The following DIP2C variants were observed in gnomAD, a reference collection of about 807,000 sequenced individuals.
DIP2C encodes the protein disco-interacting protein 2 homolog C.
DIP2C carries 33 observed loss-of-function variants against 192.4 expected under a neutral mutation model. That is an observed-to-expected ratio of 0.17 (90% CI 0.13 to 0.23). The LOEUF (loss-of-function observed/expected upper bound fraction) is 0.23. Ranked by LOEUF, DIP2C falls within the 10% of genes least tolerant of loss-of-function variation. The probability of loss-of-function intolerance (pLI) is 1.00; values close to 1 mark genes in which losing one functional copy is unlikely to be tolerated. For synonymous variants in DIP2C, 979 were observed against 864.1 expected (o/e 1.13, Z -2.33); for missense variants, 1,537 against 2,110.1 (o/e 0.73, Z 5.32).
rs757693889 is a variant in DIP2C, at chr10:389,961, G to A, written c.1597+30C>T. On this transcript the variant is annotated intron_variant, in intron 13 of 36. Transcript: ENST00000280886. ...GTCAGGTGTCCCGGTTAGAACCAGG[G>A]TCCCAAGGAGTCAGGGTCTGGCACC... 7 of 1,575,772 alleles carry A rather than the reference G, an allele frequency of 4.4e-6. No individual in the cohort carries two copies. The African/African-American group carries it at 9.5e-5, about 21-fold the overall frequency.
intron 2 of DIP2C, among the ~76,000 whole-genome samples, chr10:474,780 T>TGC (rs1266158728): frequency 1.1e-4 from 16 of 152,370 alleles, no homozygotes; most frequent in African/African-American, 3.8e-4. Flanking sequence ...TTTTATTCAT[T>TGC]GCCTTTCATT....
At chr10:498,492 A>AC (rs928216572) in intron 1 of DIP2C, among the ~76,000 whole-genome samples, 1 of 152,184 alleles carries the variant, frequency 6.6e-6, no homozygotes, top group African/African-American at 2.4e-5. Flanking sequence ...GACAGACCCC[A>AC]CCAGGACGTG....
intron 1 of DIP2C, among the ~76,000 whole-genome samples, chr10:504,916 T>C (rs1246851062): frequency 6.6e-6 from 1 of 152,172 alleles, no homozygotes; most frequent in Non-Finnish European, 1.5e-5. Flanking sequence ...TCAATCTCCA[T>C]TTCTCAACAC....
At chr10:656,134 A>C (rs997292432) in intron 1 of DIP2C, among the ~76,000 whole-genome samples, 3 of 151,180 alleles carry the variant, frequency 2.0e-5, no homozygotes, top group Non-Finnish European at 4.4e-5. Flanking sequence ...CCTATTGTAC[A>C]CTATACTATA....
chr10:412,939 T>C (rs1478317062), intron 8 of DIP2C, among the ~76,000 whole-genome samples: 1 of 152,252 alleles, frequency 6.6e-6, no homozygotes, highest in Non-Finnish European at 1.5e-5. Context: ...AGACACAATA[T>C]GAACCATTTT....
At chr10:565,321 G>T (rs1411122675) in intron 1 of DIP2C, among the ~76,000 whole-genome samples, 1 of 136,678 alleles carries the variant, frequency 7.3e-6, no homozygotes, top group Admixed American at 7.3e-5. Context: ...GAAACCATGT[G>T]ACTCCTAAAA....
intron 1 of DIP2C, among the ~76,000 whole-genome samples, chr10:589,491 A>T (rs1851278945): frequency 6.6e-6 from 1 of 152,086 alleles, no homozygotes; most frequent in African/African-American, 2.4e-5. Flanking sequence ...GGTCCACCTT[A>T]ATTTTCATAC....
At chr10:617,000 G>A (rs1588612845) in intron 1 of DIP2C, among the ~76,000 whole-genome samples, 1 of 152,114 alleles carries the variant, frequency 6.6e-6, no homozygotes, top group Non-Finnish European at 1.5e-5. Context: ...AGAAAGCCAG[G>A]GAGGGACTGA....
intron 29 of DIP2C, among the ~76,000 whole-genome samples, chr10:340,006 C>T (rs1382018373): frequency 1.3e-5 from 2 of 152,014 alleles, no homozygotes; most frequent in Non-Finnish European, 2.9e-5. Context: ...CATGGTGAAA[C>T]CTTGTCTCTA....
At chr10:679,682 CCA>C (rs922142740) in intron 1 of DIP2C, among the ~76,000 whole-genome samples, 2 of 150,984 alleles carry the variant, frequency 1.3e-5, no homozygotes, top group Non-Finnish European at 3.0e-5. Context: ...CCCATGCTCC[CCA>C]CACATATCTG....
intron 1 of DIP2C, among the ~76,000 whole-genome samples, chr10:619,322 A>G (rs977517867): frequency 5.3e-5 from 8 of 152,230 alleles, no homozygotes; most frequent in African/African-American, 1.9e-4. Flanking sequence ...AATCCAAAAC[A>G]GGTCCCACCA....
At chr10:393,259 G>A (rs1963641691) in intron 10 of DIP2C, among the ~76,000 whole-genome samples, 1 of 152,198 alleles carries the variant, frequency 6.6e-6, no homozygotes, top group Non-Finnish European at 1.5e-5. Flanking sequence ...GCAGATGGAA[G>A]CAATATTAGG....
rs966638529 is a variant in DIP2C at position 274,991 on chromosome 10, T to A, written c.*2334A>T. The A allele has an allele frequency of 2.6e-5, 4 of 152,242 alleles. No homozygotes were observed. Among genetic ancestry groups the A allele is most frequent in the Admixed American group, 2.0e-4 (3 of 15,286 alleles). 9.4% of individuals were successfully genotyped at this position (152,242 alleles called of 1,614,324 possible). ...TTGCACAACCAAATTTCAATCTCAGTCCACCAACTCTTTTGAGCCTAAACT... is the reference window on the plus strand; with the variant it reads ...TTGCACAACCAAATTTCAATCTCAGACCACCAACTCTTTTGAGCCTAAACT... On this transcript the variant is annotated 3_prime_UTR_variant, in exon 37 of 37. Transcript: ENST00000280886.
At chr10:378,245 G>A (rs1417003829) in intron 17 of DIP2C, among the ~76,000 whole-genome samples, 3 of 152,236 alleles carry the variant, frequency 2.0e-5, no homozygotes, top group Non-Finnish European at 4.4e-5. Flanking sequence ...ATGCCTAGGT[G>A]AAAATACAGT....
intron 33 of DIP2C, 114 bp downstream of exon 33, chr10:288,250 C>T: frequency 9.5e-7 from 1 of 1,056,916 alleles, no homozygotes; most frequent in South Asian, 1.6e-5. Context: ...ATGTTACTTT[C>T]AAGAAATTGT....
chr10:538,601 G>C (rs1442682118), intron 1 of DIP2C, among the ~76,000 whole-genome samples: 1 of 152,202 alleles, frequency 6.6e-6, no homozygotes, highest in Non-Finnish European at 1.5e-5. Flanking sequence ...TCAGATCTAA[G>C]TCAATGTTGT....
chr10:389,178 G>A lies in DIP2C; in HGVS notation c.1597+813C>T, dbSNP rs188291552. On this transcript the variant is annotated intron_variant, in intron 13 of 36. Coordinates refer to ENST00000280886, the MANE Select transcript of DIP2C (RefSeq NM_014974.3). ...CTCTGGGGTCTCAAAGGGCCTCAGGGCATCCCAAGGGATCTCAGGGGCATG... is the reference window on the plus strand; with the variant it reads ...CTCTGGGGTCTCAAAGGGCCTCAGGACATCCCAAGGGATCTCAGGGGCATG... Among the ~76,000 whole-genome samples the A allele has an allele frequency of 2.7e-4, 40 of 150,308 alleles. No individual in the cohort carries two copies. In the East Asian group the frequency reaches 4.5e-3, roughly 17 times the overall value.
At chr10:326,837 C>T (rs186151091) in intron 31 of DIP2C, among the ~76,000 whole-genome samples, 169 bp downstream of exon 31, 1 of 152,154 alleles carries the variant, frequency 6.6e-6, no homozygotes, top group East Asian at 1.9e-4. Flanking sequence ...CGAACGTAGA[C>T]TGTAGTTTAA....
At chr10:290,905 C>T (rs1016698421) in intron 32 of DIP2C, among the ~76,000 whole-genome samples, 2 of 152,266 alleles carry the variant, frequency 1.3e-5, no homozygotes, top group African/African-American at 4.8e-5. Context: ...ATGCACCTGG[C>T]AGCTCTGGGA....
Sources: gnomAD v4.1 joint callset for allele counts (sites outside exome capture counted in the v4.1 genomes callset) on GRCh38, gnomAD v4.1.1 for gene constraint, MANE v1.5 for transcripts, NCBI Gene and HGNC (gene_info 2026-07-23, HGNC 2026-07-21) for gene names.